The following CELF5 variants were observed in gnomAD, a reference collection of about 807,000 sequenced individuals.
The protein encoded by CELF5 is CUG-BP and ETR-3 like factor 5.
Under a neutral mutation model 54.9 loss-of-function variants are expected in CELF5, and 6 were observed. That is an observed-to-expected ratio of 0.11 (90% CI 0.06 to 0.22). The LOEUF (loss-of-function observed/expected upper bound fraction) is 0.22, where lower values mean the gene tolerates loss of function less well. Among genes scored for constraint, CELF5 ranks in the 10% least tolerant of loss-of-function variants. The pLI is 1.00. For synonymous variants in CELF5, 271 were observed against 290.9 expected (o/e 0.93, Z 0.70); for missense variants, 401 against 678.6 (o/e 0.59, Z 4.54).
In CELF5 at chr19:3,268,837, G is replaced by T. The variant is rs1455133937; in HGVS notation, c.343-5035G>T. Among the ~76,000 whole-genome samples the T allele has an allele frequency of 1.3e-5, 2 of 152,012 alleles. No individual in the cohort carries two copies. The highest frequency in any genetic ancestry group is 4.8e-5 in the African/African-American group (2 of 41,374). On this transcript the variant is annotated intron_variant, in intron 2 of 12. Coordinates refer to ENST00000292672, the MANE Select transcript of CELF5 (RefSeq NM_021938.4). The surrounding 1 kb of genome is among the most constrained non-coding windows in gnomAD (Gnocchi z 4.4). ...CACGGAAGACTTCAGGGAGGAGGTG[G>T]CGTTTGAGGGGTAAGGATGGGGTGC... is the stretch of plus-strand genomic sequence containing the variant.
intron 1 of CELF5, among the ~76,000 whole-genome samples, chr19:3,236,864 C>T (rs923071213): frequency 1.3e-5 from 2 of 151,030 alleles, no homozygotes; most frequent in African/African-American, 4.9e-5. Context: ...GGGCCTGCAC[C>T]TGTAATACCA....
intron 2 of CELF5, among the ~76,000 whole-genome samples, chr19:3,263,429 C>T (rs947611093): frequency 7.9e-5 from 12 of 151,438 alleles, no homozygotes; most frequent in East Asian, 7.8e-4. Context: ...GGCATGGTGT[C>T]GCGTGCCTGT....
intron 2 of CELF5, among the ~76,000 whole-genome samples, chr19:3,254,075 T>A (rs896468072): frequency 6.6e-6 from 1 of 152,064 alleles, no homozygotes; most frequent in African/African-American, 2.4e-5. Context: ...TGGAAGAGGG[T>A]GGAAGGACCA....
chr19:3,266,487 C>T (rs547724056), intron 2 of CELF5, among the ~76,000 whole-genome samples: 3 of 152,080 alleles, frequency 2.0e-5, no homozygotes, highest in South Asian at 4.2e-4. Flanking sequence ...TGTGTATCAG[C>T]GTCTTGGGCG....
At chr19:3,235,755 T>C (rs1264317305) in intron 1 of CELF5, among the ~76,000 whole-genome samples, 1 of 98,674 alleles carries the variant, frequency 1.0e-5, no homozygotes, top group Non-Finnish European at 2.2e-5. Flanking sequence ...GATGGATGGA[T>C]GTGTGGATGG....
chr19:3,279,731 C>T (rs1193098149), intron 5 of CELF5, among the ~76,000 whole-genome samples: 2 of 152,050 alleles, frequency 1.3e-5, no homozygotes, highest in African/African-American at 4.8e-5. Flanking sequence ...GAGACAGAGT[C>T]TCGCTCTGTC....
rs181036672 is a variant in CELF5, at chr19:3,278,657, G to A, written c.603+547G>A. Among the ~76,000 whole-genome samples the A allele has an allele frequency of 5.6e-4, 84 of 151,348 alleles. No homozygotes were observed. Among genetic ancestry groups the A allele is most frequent in the Middle Eastern group, 6.8e-3 (2 of 294 alleles). On this transcript the variant is annotated intron_variant, in intron 5 of 12. Coordinates refer to ENST00000292672, the MANE Select transcript of CELF5 (RefSeq NM_021938.4). This position sits in a 1 kb window ranked among gnomAD's most constrained non-coding sequence, Gnocchi z 4.5. ...GGAGGAAGCACATGTGTGTGCATCTGCAGGTGCATTTGTGGGCAGGTTTGT... is the reference window on the plus strand; with the variant it reads ...GGAGGAAGCACATGTGTGTGCATCTACAGGTGCATTTGTGGGCAGGTTTGT...
At chr19:3,288,613 C>T (rs991282995) in intron 10 of CELF5, among the ~76,000 whole-genome samples, 6 of 152,048 alleles carry the variant, frequency 3.9e-5, no homozygotes, top group African/African-American at 1.4e-4. Context: ...TTTGGCAGGG[C>T]AAGGCAGAAG....
chr19:3,282,068 C>T lies in CELF5; in HGVS notation c.751-58C>T. ...GTAACTGGGGTACCAAGCCTCCCCT[C>T]ATAAGCCATGATCTCAGGGCAGATA... On this transcript the variant is annotated intron_variant, in intron 6 of 12. Coordinates refer to ENST00000292672, the MANE Select transcript of CELF5 (RefSeq NM_021938.4). This position sits in a 1 kb window ranked among gnomAD's most constrained non-coding sequence, Gnocchi z 5.2. 6.2e-7 allele frequency: 1 copy of T among 1,600,186 alleles called. No individual in the cohort carries two copies.
chr19:3,285,141 G>T (rs1410840996), intron 9 of CELF5, among the ~76,000 whole-genome samples, 177 bp downstream of exon 9: 1 of 149,812 alleles, frequency 6.7e-6, no homozygotes, highest in African/African-American at 2.5e-5. Flanking sequence ...CCCGGGCCCT[G>T]TTACTGGTCC....
At position 3,256,341 on chromosome 19, in the gene CELF5, G is replaced by C. The variant is rs115111202; in HGVS notation, c.342+5274G>C. ...TCTGTGTCTGGCTCTGACTCCCCCA[G>C]ATTGGGAGCCCCTCAAGGGCAGTCC... On this transcript the variant is annotated intron_variant, in intron 2 of 12. Transcript: ENST00000292672. Among the ~76,000 whole-genome samples, 1,028 of 152,122 alleles carry C rather than the reference G, an allele frequency of 6.8e-3. 7 individuals carry two copies. Among genetic ancestry groups the C allele is most frequent in the African/African-American group, 0.023 (961 of 41,510 alleles).
chr19:3,231,924 G>A (rs1307803174), intron 1 of CELF5, among the ~76,000 whole-genome samples: 1 of 151,326 alleles, frequency 6.6e-6, no homozygotes, highest in Non-Finnish European at 1.5e-5. Context: ...TGGTTGGATG[G>A]ATGGATGAAA....
intron 1 of CELF5, among the ~76,000 whole-genome samples, chr19:3,242,958 C>T (rs1260067362): frequency 7.1e-6 from 1 of 141,026 alleles, no homozygotes; most frequent in East Asian, 2.7e-4. Context: ...AGCGAGACTC[C>T]ATCTCAAATA....
intron 5 of CELF5, among the ~76,000 whole-genome samples, chr19:3,280,301 G>T (rs2080126715): frequency 6.6e-6 from 1 of 152,096 alleles, no homozygotes; most frequent in African/African-American, 2.4e-5. Context: ...GCTGGGGCTG[G>T]GCGTGGTGGC....
chr19:3,234,958 C>A (rs73517132), intron 1 of CELF5, among the ~76,000 whole-genome samples: 281 of 152,166 alleles, frequency 1.8e-3, no homozygotes, highest in African/African-American at 6.7e-3. Context: ...AGTCAGGACC[C>A]GTCCCTCCTC....
chr19:3,281,100 C>T lies in CELF5; in HGVS notation c.604-99C>T. On this transcript the variant is annotated intron_variant, in intron 5 of 12. Coordinates refer to ENST00000292672, the MANE Select transcript of CELF5 (RefSeq NM_021938.4). The surrounding 1 kb of genome is among the most constrained non-coding windows in gnomAD (Gnocchi z 6.5). ...TGGCTGACAGCCACTGGCATTACAC[C>T]CCTCACCCAGGAGGCCTGAGCTAAC... 1 of 1,405,272 alleles carries T rather than the reference C, an allele frequency of 7.1e-7. No individual in the cohort carries two copies. The highest frequency in any genetic ancestry group is 9.8e-7 in the Non-Finnish European group (1 of 1,023,142). 87.1% of individuals were successfully genotyped at this position (1,405,272 alleles called of 1,614,324 possible). A position where few individuals can be genotyped will look rare whatever the true frequency, so the allele number is the denominator to read the frequency against.
At chr19:3,285,024 C>CCCCCGCCCAGGGCCCCG in intron 9 of CELF5, 60 bp downstream of exon 9, 6 of 1,304,886 alleles carry the variant, frequency 4.6e-6, no homozygotes, top group Non-Finnish European at 5.4e-6. Flanking sequence ...TAGGGCCCCG[C>CCCCCGCCCAGGGCCCCG]CCCCAGGGCC....
At chr19:3,242,171 T>A (rs182777250) in intron 1 of CELF5, among the ~76,000 whole-genome samples, 3 of 152,140 alleles carry the variant, frequency 2.0e-5, no homozygotes, top group South Asian at 4.1e-4. Flanking sequence ...TTGGAAAAGA[T>A]GCGAAAGCCA....
rs1417574154 is a variant in CELF5, at chr19:3,227,510, C to T, written c.259+2512C>T. On this transcript the variant is annotated intron_variant, in intron 1 of 12. Coordinates refer to ENST00000292672, the MANE Select transcript of CELF5 (RefSeq NM_021938.4). ...AGAGAAATCCCTTTCCCTGGATGCC[C>T]GGCGGGGCCCATGAGACTGGGCACA... is the stretch of plus-strand genomic sequence containing the variant. Among the ~76,000 whole-genome samples, 8 of 151,980 alleles carry T rather than the reference C, an allele frequency of 5.3e-5. No homozygotes were observed. In the East Asian group the frequency reaches 5.8e-4, roughly 11 times the overall value.
Sources: allele counts gnomAD v4.1 joint callset (sites outside exome capture counted in the v4.1 genomes callset), GRCh38; gene constraint gnomAD v4.1.1; non-coding constraint Gnocchi (gnomAD v3.1); transcripts MANE v1.5; gene names NCBI Gene and HGNC (gene_info 2026-07-23, HGNC 2026-07-21).